CAMK1G: variants seen among roughly 807,000 people sequenced by gnomAD.
CAMK1G encodes calcium/calmodulin-dependent protein kinase type 1G.
A neutral mutation model predicts 54.8 loss-of-function variants in CAMK1G; 27 were observed. The ratio of observed to expected loss-of-function variants is 0.49; its 90% CI spans 0.36 to 0.68. CAMK1G has a LOEUF of 0.68. Ranked by LOEUF, CAMK1G falls within the 30% of genes least tolerant of loss-of-function variation. The probability of loss-of-function intolerance (pLI) is 0.00; values close to 1 mark genes in which losing one functional copy is unlikely to be tolerated. For missense variants in CAMK1G, 512 were observed against 591.0 expected, an observed-to-expected ratio of 0.87 and a Z score of 1.39; for synonymous variants, 238 against 224.9, an observed-to-expected ratio of 1.06 and a Z score of -0.52.
intron 9 of CAMK1G, 156 bp from the exon 10 acceptor site, chr1:209,611,309 A>G (rs911624520): frequency 1.1e-4 from 21 of 194,364 alleles, no homozygotes; most frequent in Non-Finnish European, 2.0e-4. Flanking sequence ...GCCCAGGGGC[A>G]CAGAGGAGAC....
chr1:209,605,958 A>G (rs1472531316), intron 5 of CAMK1G, among the ~76,000 whole-genome samples: 1 of 152,208 alleles, frequency 6.6e-6, no homozygotes, highest in East Asian at 1.9e-4. Flanking sequence ...ATGCAACAAA[A>G]TATTTACTGA....
At chr1:209,596,954 C>T (rs1447387229) in intron 2 of CAMK1G, among the ~76,000 whole-genome samples, 6 of 152,154 alleles carry the variant, frequency 3.9e-5, no homozygotes, top group Admixed American at 3.3e-4. Context: ...ATTTTAAGTG[C>T]TTCTGGTGTT....
chr1:209,606,436 C>CTACG lies in CAMK1G; in HGVS notation c.554_557dup (p.Ala187ArgfsTer36). 6.2e-7 allele frequency: 1 copy of CTACG among 1,613,802 alleles called. No individual in the cohort carries two copies. Among genetic ancestry groups the CTACG allele is most frequent in the Middle Eastern group, 1.7e-4 (1 of 6,056 alleles). On this transcript the variant is annotated frameshift_variant, in exon 6 of 13. Transcript: ENST00000361322. LOFTEE classifies it high-confidence loss of function. Reference sequence around the variant, plus strand: ...TGTCCACTGCCTGTGGGACCCCAGGCTACGTGGGTAAGTCTGGGAGCAGGA... The same window carrying CTACG: ...TGTCCACTGCCTGTGGGACCCCAGGCTACGTACGTGGGTAAGTCTGGGAGCAGGA...
intron 9 of CAMK1G, among the ~76,000 whole-genome samples, chr1:209,610,372 T>G (rs766617123): frequency 6.6e-6 from 1 of 152,228 alleles, no homozygotes; most frequent in Non-Finnish European, 1.5e-5. Flanking sequence ...TAAAATATTT[T>G]TTCATGTTAC....
intron 1 of CAMK1G, among the ~76,000 whole-genome samples, chr1:209,586,662 C>A (rs1665109719): frequency 6.6e-6 from 1 of 152,154 alleles, no homozygotes; most frequent in East Asian, 1.9e-4. Context: ...AGGTTGCAAA[C>A]TGCTTTTGTG....
chr1:209,595,976 C>T (rs1665371849), intron 2 of CAMK1G, among the ~76,000 whole-genome samples: 2 of 152,240 alleles, frequency 1.3e-5, no homozygotes, highest in South Asian at 4.1e-4. Context: ...CTCAGAACCC[C>T]AGCTGGTCAG....
At chr1:209,595,899 C>A (rs1665369851) in intron 2 of CAMK1G, among the ~76,000 whole-genome samples, 1 of 150,534 alleles carries the variant, frequency 6.6e-6, no homozygotes, top group Non-Finnish European at 1.5e-5. Context: ...AGTCCTGCCT[C>A]TCCCCTGGGA....
At chr1:209,600,413 A>G (rs1361490698) in intron 3 of CAMK1G, among the ~76,000 whole-genome samples, 1 of 152,232 alleles carries the variant, frequency 6.6e-6, no homozygotes, top group Non-Finnish European at 1.5e-5. Flanking sequence ...CATCAGGAAC[A>G]ATTAATAATT....
At chr1:209,611,370 C>G (rs1161774108) in intron 9 of CAMK1G, 95 bp from the exon 10 acceptor site, 16 of 1,075,144 alleles carry the variant, frequency 1.5e-5, no homozygotes, top group Non-Finnish European at 2.2e-5. Flanking sequence ...GCACACTCTA[C>G]CCAGCTCTCA....
chr1:209,586,717 C>G lies in CAMK1G; in HGVS notation c.-30+2945C>G, dbSNP rs530810683. On this transcript the variant is annotated intron_variant, in intron 1 of 12. Coordinates refer to ENST00000361322, the MANE Select transcript of CAMK1G (RefSeq NM_020439.3). ...TCCAAAGGAATGCTGAGAAATAGAG[C>G]AGGGATCATTATTCACATTCAGCAG... Among the ~76,000 whole-genome samples, 7 of 152,218 alleles carry G rather than the reference C, an allele frequency of 4.6e-5. No homozygotes were observed. The East Asian group carries it at 1.4e-3, about 29-fold the overall frequency.
At chr1:209,590,914 A>G (rs1252938956) in intron 1 of CAMK1G, among the ~76,000 whole-genome samples, 1 of 152,040 alleles carries the variant, frequency 6.6e-6, no homozygotes, top group Admixed American at 6.5e-5. Context: ...ACCTGATAAG[A>G]TTAACATGCA....
At position 209,612,001 on chromosome 1, in the gene CAMK1G, C is replaced by G. The variant is rs1436203092; in HGVS notation, c.1125C>G (p.Cys375Trp). Residue 375 changes from cysteine to tryptophan, a missense_variant, in exon 11 of 13, where the codon TGC becomes TGG. By Grantham distance (215) the Cys-to-Trp change is radical (BLOSUM62 -2). Around this residue, in one of 3 missense-constraint regions of CAMK1G, gnomAD observed 315 missense variants for 330.5 expected, o/e 0.95. Transcript: ENST00000361322. Reference protein sequence around the residue: ...VALPALTQLPCQHGRRPTAPG... With the variant: ...VALPALTQLPWQHGRRPTAPG... ...TCCCTGCCCTGACCCAATTACCCTGCCAGCATGGCCGCCGGCCCACTGCCC... is the reference window on the plus strand; with the variant it reads ...TCCCTGCCCTGACCCAATTACCCTGGCAGCATGGCCGCCGGCCCACTGCCC... 5.6e-6 allele frequency: 9 copies of G among 1,614,274 alleles called. No homozygotes were observed. In the South Asian group the frequency reaches 9.9e-5, roughly 18 times the overall value.
chr1:209,600,544 T>C (rs1045396014), intron 3 of CAMK1G, among the ~76,000 whole-genome samples: 1 of 152,228 alleles, frequency 6.6e-6, no homozygotes, highest in Non-Finnish European at 1.5e-5. Flanking sequence ...ACAGCAAGAC[T>C]CTTACCACAG....
intron 1 of CAMK1G, among the ~76,000 whole-genome samples, chr1:209,591,157 C>T (rs75177843): frequency 0.014 from 2,088 of 152,144 alleles, 50 homozygotes; most frequent in African/African-American, 0.048. Flanking sequence ...CCTTGTGTAC[C>T]GTGCCCTCGA....
At chr1:209,609,227 G>A (rs1216665761) in intron 8 of CAMK1G, 135 bp downstream of exon 8, 8 of 1,010,016 alleles carry the variant, frequency 7.9e-6, no homozygotes, top group Admixed American at 2.6e-5. Context: ...GCCAAGGAAA[G>A]TGGAGAAATC....
At chr1:209,588,613 A>C (rs1386843364) in intron 1 of CAMK1G, among the ~76,000 whole-genome samples, 2 of 152,208 alleles carry the variant, frequency 1.3e-5, no homozygotes, top group African/African-American at 4.8e-5. Flanking sequence ...ATGAGAGTGC[A>C]GAGAGAGAAT....
chr1:209,609,199 G>A (rs1053337318), intron 8 of CAMK1G, 107 bp downstream of exon 8: 41 of 1,345,320 alleles, frequency 3.0e-5, no homozygotes, highest in Admixed American at 6.0e-5. Context: ...AGTCCCTGGG[G>A]ATCTTACAGA....
At chr1:209,611,253 C>T (rs1199241258) in intron 9 of CAMK1G, among the ~76,000 whole-genome samples, 1 of 152,226 alleles carries the variant, frequency 6.6e-6, no homozygotes, top group Non-Finnish European at 1.5e-5. Flanking sequence ...GTTGACCTTG[C>T]TCTAAAAGTT....
chr1:209,596,046 C>T (rs572140932), intron 2 of CAMK1G, among the ~76,000 whole-genome samples: 9 of 152,304 alleles, frequency 5.9e-5, no homozygotes, highest in African/African-American at 1.2e-4. Context: ...GCTGTCCATC[C>T]GGGTAAGCTT....
Sources: allele counts gnomAD v4.1 joint callset (sites outside exome capture counted in the v4.1 genomes callset), GRCh38; gene constraint gnomAD v4.1.1; regional missense constraint gnomAD v4.1.1; transcripts MANE v1.5; gene names NCBI Gene and HGNC (gene_info 2026-07-23, HGNC 2026-07-21).